Variants in SVOPL observed in about 807,000 individuals in gnomAD.
SVOPL encodes the protein SVOP like.
SVOPL carries 60 observed loss-of-function variants against 61.0 expected under a neutral mutation model. The ratio of observed to expected loss-of-function variants is 0.98; its 90% CI spans 0.80 to 1.22. SVOPL has a LOEUF of 1.22. Among genes scored for constraint, SVOPL ranks in the 50% most tolerant of loss-of-function variants. SVOPL has a pLI of 0.00. For synonymous variants in SVOPL, 279 were observed against 250.0 expected, an observed-to-expected ratio of 1.12 and a Z score of -1.09; for missense variants, 662 against 643.9, an observed-to-expected ratio of 1.03 and a Z score of -0.30.
At chr7:138,683,685 G>C (rs561641530) in intron 1 of SVOPL, among the ~76,000 whole-genome samples, 137 of 152,134 alleles carry the variant, frequency 9.0e-4, no homozygotes, top group African/African-American at 3.1e-3. Context: ...AGATGCTTAT[G>C]TAACTTTTCC....
Position 138,627,337 on chromosome 7 carries a change from A to G in SVOPL, c.1181+13T>C, listed in dbSNP as rs374073300. The G allele has an allele frequency of 1.3e-5, 20 of 1,596,598 alleles. No individual in the cohort carries two copies. The African/African-American group carries it at 1.7e-4, about 14-fold the overall frequency. On this transcript the variant is annotated intron_variant, in intron 12 of 15. Coordinates refer to ENST00000674285, the MANE Select transcript of SVOPL (RefSeq NM_001139456.2). The stretch of plus-strand genomic sequence containing the variant: ...CCACTGCACAAAATCTGAAGCAATT[A>G]AACAGAAAATACCTTGAAGTGCAAA...
intron 13 of SVOPL, among the ~76,000 whole-genome samples, chr7:138,621,974 GTATCTATCTA>G (rs1799615519): frequency 4.0e-4 from 3 of 7,412 alleles, no homozygotes; most frequent in Non-Finnish European, 6.0e-4. Flanking sequence ...ATCTATCTAT[GTATCTATCTA>G]TCTATGTATC....
intron 4 of SVOPL, among the ~76,000 whole-genome samples, chr7:138,669,628 C>T (rs1802365988): frequency 6.6e-6 from 1 of 152,156 alleles, no homozygotes. Context: ...CACCCCTCAC[C>T]TTCCTGTAAT....
At chr7:138,654,907 C>G (rs1471857739) in intron 7 of SVOPL, among the ~76,000 whole-genome samples, 1 of 149,574 alleles carries the variant, frequency 6.7e-6, no homozygotes, top group East Asian at 2.0e-4. Flanking sequence ...GAATTCAGAG[C>G]CTGCTGGGTA....
chr7:138,695,888 T>C (rs755115871), intron 1 of SVOPL, among the ~76,000 whole-genome samples: 1 of 151,820 alleles, frequency 6.6e-6, no homozygotes, highest in Non-Finnish European at 1.5e-5. Context: ...GTTCAAGCGA[T>C]TTTCCTGTCT....
intron 9 of SVOPL, among the ~76,000 whole-genome samples, chr7:138,639,619 C>CA (rs71179709): frequency 0.026 from 3,337 of 127,018 alleles, 74 homozygotes; most frequent in African/African-American, 0.067. Context: ...GACTCCGTCT[C>CA]AAAAAAAAAA....
chr7:138,600,382 G>T (rs1414910177), intron 14 of SVOPL, among the ~76,000 whole-genome samples: 4 of 152,108 alleles, frequency 2.6e-5, no homozygotes, highest in Admixed American at 2.0e-4. Flanking sequence ...AGGATCTCTA[G>T]CTAGAGCCCA....
chr7:138,621,542 C>T (rs1036884570), intron 13 of SVOPL, among the ~76,000 whole-genome samples: 1 of 152,192 alleles, frequency 6.6e-6, no homozygotes, highest in Non-Finnish European at 1.5e-5. Context: ...AGAGAACTAA[C>T]TAGAGGGCCA....
intron 9 of SVOPL, among the ~76,000 whole-genome samples, chr7:138,638,909 A>C (rs1800637474): frequency 1.3e-5 from 2 of 152,258 alleles, no homozygotes; most frequent in African/African-American, 4.8e-5. Flanking sequence ...GATTCAGAAG[A>C]AACACAAAAT....
chr7:138,656,655 A>G, intron 6 of SVOPL, 144 bp from the exon 7 acceptor site: 1 of 813,498 alleles, frequency 1.2e-6, no homozygotes, highest in South Asian at 1.7e-5. Context: ...TATGACAGCT[A>G]ATATCCACAT....
Position 138,639,214 on chromosome 7 carries a change from C to G in SVOPL, c.789+5503G>C, listed in dbSNP as rs969189249. Among the ~76,000 whole-genome samples, 16 of 152,010 alleles carry G rather than the reference C, an allele frequency of 1.1e-4. No individual in the cohort carries two copies. In the East Asian group the frequency reaches 3.1e-3, roughly 29 times the overall value. ...AGGTTGCAGTGAGCTGAGATCCCATCACTGCACTCCAGCCTGGGCAACAGA... is the reference window on the plus strand; with the variant it reads ...AGGTTGCAGTGAGCTGAGATCCCATGACTGCACTCCAGCCTGGGCAACAGA... On this transcript the variant is annotated intron_variant, in intron 9 of 15. Transcript: ENST00000674285.
intron 1 of SVOPL, among the ~76,000 whole-genome samples, chr7:138,695,647 T>C (rs1411839836): frequency 3.3e-5 from 5 of 152,060 alleles, no homozygotes; most frequent in Non-Finnish European, 7.4e-5. Context: ...GAAGTCTAAA[T>C]TGAGACTTCA....
chr7:138,596,264 C>T (rs1206787506), intron 15 of SVOPL, among the ~76,000 whole-genome samples, 153 bp downstream of exon 15: 2 of 147,582 alleles, frequency 1.4e-5, no homozygotes, highest in Non-Finnish European at 3.0e-5. Context: ...ACTAGAAAAA[C>T]AAAGTCCTTG....
intron 14 of SVOPL, among the ~76,000 whole-genome samples, chr7:138,620,629 C>T (rs1262624229): frequency 3.3e-5 from 5 of 152,032 alleles, no homozygotes; most frequent in African/African-American, 7.3e-5. Context: ...GTGCCCCACA[C>T]CACCTCCCTG....
At position 138,664,521 on chromosome 7, in the gene SVOPL, G is replaced by A. The variant is rs72503020; in HGVS notation, c.274-1376C>T. Among the ~76,000 whole-genome samples the A allele has an allele frequency of 1.0e-4, 14 of 135,550 alleles. No individual in the cohort carries two copies. The East Asian group carries it at 3.0e-3, about 29-fold the overall frequency. 88.9% of individuals were successfully genotyped at this position (135,550 alleles called of 152,430 possible). A position where few individuals can be genotyped will look rare whatever the true frequency, so the allele number is the denominator to read the frequency against. Reference sequence around the variant, plus strand: ...CCCTGACCCTTTATCGGGCGCGCGCGCCTAACCCTCGAGCACCCCTAATCC... The same window carrying A: ...CCCTGACCCTTTATCGGGCGCGCGCACCTAACCCTCGAGCACCCCTAATCC... On this transcript the variant is annotated intron_variant, in intron 4 of 15. Coordinates refer to ENST00000674285, the MANE Select transcript of SVOPL (RefSeq NM_001139456.2).
chr7:138,622,655 C>A (rs1351594065), intron 13 of SVOPL, among the ~76,000 whole-genome samples: 1 of 151,022 alleles, frequency 6.6e-6, no homozygotes, highest in Non-Finnish European at 1.5e-5. Flanking sequence ...AGAAACAAGA[C>A]CTCGCTATGT....
intron 14 of SVOPL, among the ~76,000 whole-genome samples, chr7:138,615,015 C>CT (rs1799227853): frequency 6.6e-6 from 1 of 152,134 alleles, no homozygotes; most frequent in African/African-American, 2.4e-5. Context: ...AGGGCCTGTG[C>CT]TGCAAGCCTA....
chr7:138,601,023 G>C lies in SVOPL; in HGVS notation c.1354-4493C>G, dbSNP rs377226461. ...TCCCAGCACTTTGGGAGGCTGAGGC[G>C]GGTGGATCACAAGGTCAGGAGATCG... On this transcript the variant is annotated intron_variant, in intron 14 of 15. Transcript: ENST00000674285. 4.0e-5 allele frequency among the ~76,000 whole-genome samples: 6 copies of C among 151,736 alleles called. No individual in the cohort carries two copies. In the East Asian group the frequency reaches 7.8e-4, roughly 20 times the overall value.
chr7:138,644,729 C>A lies in SVOPL; in HGVS notation c.777G>T (p.Val259=). 1.2e-6 allele frequency: 2 copies of A among 1,614,118 alleles called. No homozygotes were observed. The highest frequency in any genetic ancestry group is 1.7e-6 in the Non-Finnish European group (2 of 1,180,012). The change falls in exon 9 of 16, where the codon GTG becomes GTT. Residue 259 remains valine (V), a synonymous_variant. Transcript: ENST00000674285. ...GGCCAGCACTCACCAGGACGGGCTCCACCAGCTTCCCCTCCGGCATGACCG... is the reference window on the plus strand; with the variant it reads ...GGCCAGCACTCACCAGGACGGGCTCAACCAGCTTCCCCTCCGGCATGACCG... ...NRSVMPEGKL[V]EPVLEKRGRF...
Sources: allele counts gnomAD v4.1 joint callset (sites outside exome capture counted in the v4.1 genomes callset), GRCh38; gene constraint gnomAD v4.1.1; transcripts MANE v1.5; gene names NCBI Gene and HGNC (gene_info 2026-07-23, HGNC 2026-07-21).